Variants in SFXN5 observed in about 807,000 individuals in gnomAD.
SFXN5 encodes sideroflexin 5.
In SFXN5, 43 loss-of-function variants were observed where a neutral mutation model predicts 50.2. The observed-to-expected ratio is 0.86, with a 90% confidence interval of 0.67 to 1.11. The LOEUF (loss-of-function observed/expected upper bound fraction) is 1.11. Among genes scored for constraint, SFXN5 ranks in the 50% least tolerant of loss-of-function variants. The probability of loss-of-function intolerance (pLI) is 0.00; values close to 1 mark genes in which losing one functional copy is unlikely to be tolerated. For synonymous variants in SFXN5, 203 were observed against 185.8 expected (o/e 1.09, Z -0.75); for missense variants, 463 against 454.1 (o/e 1.02, Z -0.18).
chr2:73,003,997 T>C (rs995006440), intron 6 of SFXN5, among the ~76,000 whole-genome samples: 1 of 152,220 alleles, frequency 6.6e-6, no homozygotes, highest in Non-Finnish European at 1.5e-5. Context: ...ATTTCACTTA[T>C]CATAATCCTC....
rs1388330507 is a variant in SFXN5, at chr2:73,059,685, C to A, written c.103-1089G>T. ...ACCCCTACCCAGGTGCTGTCTCTCA[C>A]AAACCAGATCAAGCTTTGGTCCATT... On this transcript the variant is annotated intron_variant, in intron 1 of 13. Transcript: ENST00000272433. 3.1e-6 allele frequency: 3 copies of A among 980,606 alleles called. No individual in the cohort carries two copies. In the African/African-American group the frequency reaches 5.3e-5, roughly 17 times the overall value. The allele number at this position is 980,606 out of a possible 1,614,324, so 60.7% of individuals were successfully genotyped here. A position where few individuals can be genotyped will look rare whatever the true frequency, so the allele number is the denominator to read the frequency against.
At chr2:73,010,346 G>A (rs1675344724) in intron 6 of SFXN5, among the ~76,000 whole-genome samples, 1 of 152,200 alleles carries the variant, frequency 6.6e-6, no homozygotes, top group Non-Finnish European at 1.5e-5. Flanking sequence ...GGGAGATATA[G>A]CCTACTATTC....
chr2:73,043,041 C>G (rs1005772404), intron 2 of SFXN5, among the ~76,000 whole-genome samples: 1 of 152,178 alleles, frequency 6.6e-6, no homozygotes, highest in Non-Finnish European at 1.5e-5. Flanking sequence ...GCACTCCAGC[C>G]TGGGCGACAG....
chr2:72,960,555 C>T lies in SFXN5; in HGVS notation c.945+576G>A, dbSNP rs550140021. Among the ~76,000 whole-genome samples, 2 of 152,218 alleles carry T rather than the reference C, an allele frequency of 1.3e-5. No individual in the cohort carries two copies. The highest frequency in any genetic ancestry group is 2.4e-5 in the African/African-American group (1 of 41,548). ...CAGCCCCACGCGGCAGCACAGGGGC[C>T]GCTCAGAATCAGGCATCTGTGGTCT... is the stretch of plus-strand genomic sequence containing the variant. On this transcript the variant is annotated intron_variant, in intron 13 of 13. Coordinates refer to ENST00000272433, the MANE Select transcript of SFXN5 (RefSeq NM_144579.3). The surrounding 1 kb of genome is among the most constrained non-coding windows in gnomAD (Gnocchi z 6.1).
At chr2:72,975,274 A>G (rs1670502605) in intron 10 of SFXN5, among the ~76,000 whole-genome samples, 1 of 152,186 alleles carries the variant, frequency 6.6e-6, no homozygotes, top group Non-Finnish European at 1.5e-5. Flanking sequence ...TGTGGGGAGG[A>G]AGAAAGAGCA....
intron 2 of SFXN5, among the ~76,000 whole-genome samples, chr2:73,050,480 C>T (rs1313316909): frequency 1.3e-5 from 2 of 152,004 alleles, no homozygotes; most frequent in East Asian, 3.9e-4. Flanking sequence ...CCCTCTGGAG[C>T]AGTGGCCCAA....
chr2:73,006,829 C>T (rs1674737696), intron 6 of SFXN5, among the ~76,000 whole-genome samples: 1 of 152,184 alleles, frequency 6.6e-6, no homozygotes, highest in African/African-American at 2.4e-5. Context: ...CCTAAGCAGC[C>T]CTGCTTATCA....
At chr2:72,975,219 G>A (rs1670495422) in intron 10 of SFXN5, among the ~76,000 whole-genome samples, 1 of 152,248 alleles carries the variant, frequency 6.6e-6, no homozygotes, top group African/African-American at 2.4e-5. Flanking sequence ...GCAAAATCAT[G>A]CAGATTGTGA....
At chr2:73,043,778 T>C (rs1280490095) in intron 2 of SFXN5, among the ~76,000 whole-genome samples, 1 of 152,190 alleles carries the variant, frequency 6.6e-6, no homozygotes, top group Non-Finnish European at 1.5e-5. Flanking sequence ...GTACAAAAAG[T>C]AATCTTAAAT....
At chr2:73,042,486 A>ATG (rs1679777836) in intron 2 of SFXN5, 1 of 151,922 alleles carries the variant, frequency 6.6e-6, no homozygotes, top group Non-Finnish European at 1.5e-5. Context: ...GGTGGTGCGC[A>ATG]CCTGTAATCC....
At chr2:73,006,531 C>T (rs906768564) in intron 6 of SFXN5, among the ~76,000 whole-genome samples, 1 of 151,446 alleles carries the variant, frequency 6.6e-6, no homozygotes, top group South Asian at 2.1e-4. Context: ...CTGAGGCACA[C>T]GAACTGCTTA....
intron 1 of SFXN5, chr2:73,059,906 A>G (rs1418792992): frequency 1.0e-6 from 1 of 971,258 alleles, no homozygotes; most frequent in Non-Finnish European, 1.2e-6. Context: ...TCACTGCTGC[A>G]TTCTTTACAA....
intron 1 of SFXN5, among the ~76,000 whole-genome samples, chr2:73,066,131 G>A (rs1253005892): frequency 6.6e-6 from 1 of 152,134 alleles, no homozygotes; most frequent in Non-Finnish European, 1.5e-5. Flanking sequence ...GAGAAACAAG[G>A]GATAAAGGAA....
chr2:72,952,558 C>T (rs1276834560), intron 13 of SFXN5, among the ~76,000 whole-genome samples: 2 of 152,192 alleles, frequency 1.3e-5, no homozygotes, highest in African/African-American at 4.8e-5. Context: ...TTCCGGCTCC[C>T]CTGTGCTATG....
At chr2:73,069,160 A>G (rs34671095) in intron 1 of SFXN5, among the ~76,000 whole-genome samples, 1 of 152,138 alleles carries the variant, frequency 6.6e-6, no homozygotes, top group Admixed American at 6.5e-5. Context: ...ATTTAAATCT[A>G]CAAGGGCGTA....
intron 6 of SFXN5, among the ~76,000 whole-genome samples, chr2:73,019,073 A>C (rs139561410): frequency 1.8e-3 from 274 of 152,358 alleles, no homozygotes; most frequent in South Asian, 4.6e-3. Context: ...AATTCTGATA[A>C]TTTATGACAA....
chr2:72,997,877 G>A (rs910169808), intron 9 of SFXN5: 9 of 152,270 alleles, frequency 5.9e-5, no homozygotes, highest in African/African-American at 2.2e-4. Flanking sequence ...ACAGGCGTGA[G>A]CCACTGCACC....
Position 73,008,228 on chromosome 2 carries a change from C to G in SFXN5, c.358-6650G>C, listed in dbSNP as rs571232229. Reference sequence around the variant, plus strand: ...GTTCTTAATGTCTCAAGACAGAAATCGGATTTAGACTTAACCTAAGGCCAC... The same window carrying G: ...GTTCTTAATGTCTCAAGACAGAAATGGGATTTAGACTTAACCTAAGGCCAC... On this transcript the variant is annotated intron_variant, in intron 6 of 13. Transcript: ENST00000272433. Among the ~76,000 whole-genome samples the G allele has an allele frequency of 8.5e-5, 13 of 152,316 alleles. No homozygotes were observed. In the East Asian group the frequency reaches 1.7e-3, roughly 20 times the overall value.
rs375335857 is a variant in SFXN5 at position 73,071,594 on chromosome 2, C to A, written c.102+10G>T. ...ACCCGCCGGCCCGCAGACCACAGCC[C>A]GGTCCTCACCTGCTGGAAGCGGGGT... On this transcript the variant is annotated intron_variant, in intron 1 of 13. Transcript: ENST00000272433. The A allele has an allele frequency of 4.8e-5, 77 of 1,612,392 alleles. No individual in the cohort carries two copies. Among genetic ancestry groups the A allele is most frequent in the Non-Finnish European group, 6.4e-5 (76 of 1,179,282 alleles).
Sources: allele counts gnomAD v4.1 joint callset (sites outside exome capture counted in the v4.1 genomes callset), GRCh38; gene constraint gnomAD v4.1.1; non-coding constraint Gnocchi (gnomAD v3.1); transcripts MANE v1.5; gene names NCBI Gene and HGNC (gene_info 2026-07-23, HGNC 2026-07-21).